Variants in ZGRF1 observed in about 807,000 individuals in gnomAD.
ZGRF1 encodes the protein 5'-3' DNA helicase ZGRF1.
A neutral mutation model predicts 203.5 loss-of-function variants in ZGRF1; 196 were observed. The ratio of observed to expected loss-of-function variants is 0.96; its 90% confidence interval spans 0.86 to 1.08. ZGRF1 has a LOEUF of 1.08. ZGRF1 is among the 50% of genes least tolerant of loss of function. ZGRF1 has a pLI of 0.00. For missense variants in ZGRF1, 2,326 were observed against 2,416.3 expected, an observed-to-expected ratio of 0.96 and a Z score of 0.78; for synonymous variants, 809 against 841.3, an observed-to-expected ratio of 0.96 and a Z score of 0.66.
At chr4:112,605,806 T>A (rs368909035) in intron 9 of ZGRF1, 3 of 534,510 alleles carry the variant, frequency 5.6e-6, no homozygotes, top group Non-Finnish European at 9.9e-6. Flanking sequence ...ATTAGCTCAT[T>A]AGTAGTATAG....
Position 112,603,462 on chromosome 4 carries a change from A to G in ZGRF1, c.2976+62T>C, listed in dbSNP as rs1750281443. On this transcript the variant is annotated intron_variant, in intron 10 of 27. Coordinates refer to ENST00000505019, the MANE Select transcript of ZGRF1 (RefSeq NM_018392.5). Reference sequence around the variant, plus strand: ...GTATAAACAACTATACTATTTTCACAAAATGTAGTATTAACATAAAGAAAA... The same window carrying G: ...GTATAAACAACTATACTATTTTCACGAAATGTAGTATTAACATAAAGAAAA... 1.8e-5 allele frequency: 22 copies of G among 1,195,366 alleles called. No homozygotes were observed. The South Asian group carries it at 2.9e-4, about 16-fold the overall frequency. 74.0% of individuals were successfully genotyped at this position (1,195,366 alleles called of 1,614,324 possible).
At chr4:112,574,180 T>A (rs1744726542) in intron 16 of ZGRF1, among the ~76,000 whole-genome samples, 1 of 152,150 alleles carries the variant, frequency 6.6e-6, no homozygotes, top group Admixed American at 6.5e-5. Context: ...AGAATAATAT[T>A]CATAACACCC....
At chr4:112,625,209 A>G (rs1214065844) in intron 3 of ZGRF1, among the ~76,000 whole-genome samples, 1 of 152,212 alleles carries the variant, frequency 6.6e-6, no homozygotes, top group East Asian at 1.9e-4. Context: ...GGATTGTTTG[A>G]GCCTAAGGGT....
Position 112,619,399 on chromosome 4 carries a change from A to G in ZGRF1, c.643T>C (p.Ser215Pro), listed in dbSNP as rs762500022. Residue 215 changes from serine to proline, a missense_variant, in exon 6 of 28, where the codon TCA becomes CCA. Physicochemically the swap from Ser to Pro is moderately conservative, Grantham distance 74. Coordinates refer to ENST00000505019, the MANE Select transcript of ZGRF1 (RefSeq NM_018392.5). ...AGCTTATTTCCAGAATTGACAGGTG[A>G]GCAAAAATAATTTTCTTCACACAGC... ...EVLCEENYFC[S>P]PVNSGNKLSD... 3 of 1,613,290 alleles carry G rather than the reference A, an allele frequency of 1.9e-6. No individual in the cohort carries two copies. In the Admixed American group the frequency reaches 5.0e-5, roughly 27 times the overall value.
chr4:112,619,303 G>C lies in ZGRF1; in HGVS notation c.739C>G (p.Gln247Glu), dbSNP rs1483514721. The C allele has an allele frequency of 6.2e-7, 1 of 1,613,322 alleles. No homozygotes were observed. The highest frequency in any genetic ancestry group is 8.5e-7 in the Non-Finnish European group (1 of 1,179,858). Residue 247 changes from glutamine (Q) to glutamate (E), a missense_variant, in exon 6 of 28, where the codon CAA (glutamine) becomes GAA (glutamate). Gln to Glu is a conservative substitution (Grantham distance 29, BLOSUM62 2). Coordinates refer to ENST00000505019, the MANE Select transcript of ZGRF1 (RefSeq NM_018392.5). Reference sequence around the variant, plus strand: ...ATCTGTGCTTTGCTTCTGATGTTTTGTGAAACTCCTGAATAGTGAGATGCC... The same window carrying C: ...ATCTGTGCTTTGCTTCTGATGTTTTCTGAAACTCCTGAATAGTGAGATGCC... The part of the protein sequence containing the change: ...SLASHYSGVS[Q>E]NIRSKAQILA...
chr4:112,574,951 A>G (rs1744872910), intron 16 of ZGRF1, among the ~76,000 whole-genome samples: 2 of 151,960 alleles, frequency 1.3e-5, no homozygotes, highest in Non-Finnish European at 2.9e-5. Context: ...ACTTGAACCC[A>G]GGAGGCAGAG....
At chr4:112,606,192 G>A (rs1750747845) in intron 8 of ZGRF1, 101 bp from the exon 9 acceptor site, 4 of 740,178 alleles carry the variant, frequency 5.4e-6, no homozygotes, top group Middle Eastern at 3.2e-4. Flanking sequence ...AGTTTGCCCT[G>A]TGAAAACACA....
rs573636184 is a variant in ZGRF1 at position 112,619,355 on chromosome 4, G to C, written c.687C>G (p.Thr229=). The part of the protein sequence containing the change: ...SGNKLSDSLL[T]NEPVKRDSLA... ...AACTATCTCTTTTCACAGGCTCATT[G>C]GTCAGTAAAGAGTCTGAAAGCTTAT... Residue 229 remains threonine, a synonymous_variant, in exon 6 of 28, where the codon ACC becomes ACG. Coordinates refer to ENST00000505019, the MANE Select transcript of ZGRF1 (RefSeq NM_018392.5). 45 of 1,612,586 alleles carry C rather than the reference G, an allele frequency of 2.8e-5. 2 individuals carry two copies. In the South Asian group the frequency reaches 4.8e-4, roughly 17 times the overall value.
intron 6 of ZGRF1, among the ~76,000 whole-genome samples, chr4:112,615,932 GCTA>G (rs2046854020): frequency 6.6e-6 from 1 of 152,048 alleles, no homozygotes. Flanking sequence ...ACTGTGCCTG[GCTA>G]CTTACTTTTA....
rs776241685 is a variant in ZGRF1 at position 112,539,699 on chromosome 4, AC to A, written c.6173-11del. 12 of 1,589,566 alleles carry A rather than the reference AC, an allele frequency of 7.5e-6. No individual in the cohort carries two copies. Among genetic ancestry groups the A allele is most frequent in the African/African-American group, 6.8e-5 (5 of 73,490 alleles). ...AATCCATCTTCCCTTCCTTAAAAAAACATACGACATGAGACAACTATTCTTT... is the reference window on the plus strand; with the variant it reads ...AATCCATCTTCCCTTCCTTAAAAAAAATACGACATGAGACAACTATTCTTT... On this transcript the variant is annotated splice_polypyrimidine_tract_variant and intron_variant, in intron 27 of 27. Coordinates refer to ENST00000505019, the MANE Select transcript of ZGRF1 (RefSeq NM_018392.5).
intron 1 of ZGRF1, among the ~76,000 whole-genome samples, chr4:112,634,892 G>A (rs1435363246): frequency 6.6e-6 from 1 of 152,110 alleles, no homozygotes; most frequent in African/African-American, 2.4e-5. Flanking sequence ...AGCACTCTGG[G>A]AGGCCATGGC....
rs1482467900 is a variant in ZGRF1 at position 112,579,369 on chromosome 4, G to A, written c.4438+2294C>T. On this transcript the variant is annotated intron_variant, in intron 16 of 27. Coordinates refer to ENST00000505019, the MANE Select transcript of ZGRF1 (RefSeq NM_018392.5). ...CCCTTTGAAAACTGGCACAAGACACGGATGCGCTCTCTCACCACTCCTATT... is the reference window on the plus strand; with the variant it reads ...CCCTTTGAAAACTGGCACAAGACACAGATGCGCTCTCTCACCACTCCTATT... Among the ~76,000 whole-genome samples the A allele has an allele frequency of 9.0e-5, 11 of 122,790 alleles. 4 individuals carry two copies. Among genetic ancestry groups the A allele is most frequent in the African/African-American group, 2.0e-4 (7 of 35,314 alleles). 80.6% of individuals were successfully genotyped at this position (122,790 alleles called of 152,430 possible). A position where few individuals can be genotyped will look rare whatever the true frequency, so the allele number is the denominator to read the frequency against.
chr4:112,551,702 A>G (rs1739989059), intron 22 of ZGRF1, among the ~76,000 whole-genome samples: 2 of 152,172 alleles, frequency 1.3e-5, no homozygotes, highest in African/African-American at 4.8e-5. Flanking sequence ...CTGAAATATT[A>G]TTCATTTTAT....
chr4:112,619,118 T>TGTGCTCTTCATCTCAGC lies in ZGRF1; in HGVS notation c.907_923dup (p.Glu309LeufsTer3), dbSNP rs1313258842. The TGTGCTCTTCATCTCAGC allele has an allele frequency of 6.2e-7, 1 of 1,613,754 alleles. No homozygotes were observed. The highest frequency in any genetic ancestry group is 1.7e-5 in the Admixed American group (1 of 59,986). On this transcript the variant is annotated stop_gained and frameshift_variant, in exon 6 of 28. Coordinates refer to ENST00000505019, the MANE Select transcript of ZGRF1 (RefSeq NM_018392.5). LOFTEE classifies it high-confidence loss of function. ...ATTGATGCTGGTAGTATAAATTTTC[T>TGTGCTCTTCATCTCAGC]GTGCTCTTCATCTCAGCACACTCTT...
chr4:112,617,744 G>T lies in ZGRF1; in HGVS notation c.2298C>A (p.Tyr766Ter). The part of the protein sequence containing the change: ...SNTHISNSLF[Y>*]PLGKKHLISK... ...AAATAAGATGCTTTTTTCCCAGTGG[G>T]TAAAACAAAGAATTGGAAATGTGGG... The change falls in exon 6 of 28, where the codon TAC becomes TAA. Residue 766 changes from tyrosine to a stop codon, truncating the protein, a stop_gained. Transcript: ENST00000505019. LOFTEE classifies it high-confidence loss of function. The T allele has an allele frequency of 6.8e-6, 11 of 1,613,952 alleles. No homozygotes were observed. The highest frequency in any genetic ancestry group is 9.3e-6 in the Non-Finnish European group (11 of 1,179,936).
At chr4:112,616,334 A>G (rs1433785848) in intron 6 of ZGRF1, among the ~76,000 whole-genome samples, 1 of 148,490 alleles carries the variant, frequency 6.7e-6, no homozygotes, top group Non-Finnish European at 1.5e-5. Flanking sequence ...AACGTGGCCA[A>G]CATGGTGAAA....
rs148035803 is a variant in ZGRF1 at position 112,613,707 on chromosome 4, C to T, written c.2603-1119G>A. On this transcript the variant is annotated intron_variant, in intron 6 of 27. Coordinates refer to ENST00000505019, the MANE Select transcript of ZGRF1 (RefSeq NM_018392.5). ...ACAAAACAGCAGAAAAGTTGGCAAG[C>T]CTGCAGAATGCAAAGGAGTGCAGGG... Among the ~76,000 whole-genome samples the T allele has an allele frequency of 4.5e-3, 687 of 152,252 alleles. 4 individuals carry two copies. Among genetic ancestry groups the T allele is most frequent in the Admixed American group, 7.2e-3 (110 of 15,288 alleles).
At chr4:112,636,411 G>A (rs142717637) in intron 1 of ZGRF1, among the ~76,000 whole-genome samples, 110 of 151,840 alleles carry the variant, frequency 7.2e-4, no homozygotes, top group African/African-American at 2.5e-3. Flanking sequence ...TTTTAAACAA[G>A]GAGTATTTTT....
At chr4:112,619,770 GAGA>G (rs1157587971) in intron 5 of ZGRF1, 80 bp from the exon 6 acceptor site, 3 of 1,176,486 alleles carry the variant, frequency 2.5e-6, no homozygotes, top group Non-Finnish European at 3.6e-6. Context: ...AAAAAAAAAG[GAGA>G]AGGATTGTTT....
Sources: gnomAD v4.1 joint callset for allele counts (sites outside exome capture counted in the v4.1 genomes callset) on GRCh38, gnomAD v4.1.1 for gene constraint, MANE v1.5 for transcripts, NCBI Gene and HGNC (gene_info 2026-07-23, HGNC 2026-07-21) for gene names.